The following COG5 variants were observed in gnomAD, a reference collection of about 807,000 sequenced individuals.
COG5 encodes conserved oligomeric Golgi complex subunit 5.
In COG5, 86 loss-of-function variants were observed where a neutral mutation model predicts 110.4. That is an observed-to-expected ratio of 0.78 (90% CI 0.65 to 0.93). COG5 has a LOEUF of 0.93. COG5 is among the 40% of genes least tolerant of loss of function. The pLI, the probability that COG5 is intolerant of heterozygous loss-of-function variation, is 0.00. For missense variants in COG5, 1,077 were observed against 987.0 expected (o/e 1.09, Z -1.22); for synonymous variants, 360 against 334.6 (o/e 1.08, Z -0.83).
At chr7:107,237,747 G>A (rs745443620) in intron 17 of COG5, among the ~76,000 whole-genome samples, 4 of 152,216 alleles carry the variant, frequency 2.6e-5, no homozygotes, top group Non-Finnish European at 4.4e-5. Flanking sequence ...GCTGAAGGGT[G>A]TATGGTGCAA....
At chr7:107,238,711 C>A (rs974320072) in intron 17 of COG5, among the ~76,000 whole-genome samples, 1 of 152,152 alleles carries the variant, frequency 6.6e-6, no homozygotes, top group Non-Finnish European at 1.5e-5. Flanking sequence ...GAGGTGCAAT[C>A]TCATTGTGGT....
chr7:107,520,006 A>G (rs1800213377), intron 6 of COG5, among the ~76,000 whole-genome samples: 1 of 152,206 alleles, frequency 6.6e-6, no homozygotes, highest in Admixed American at 6.5e-5. Flanking sequence ...AAATCAATAA[A>G]CATAATCCAT....
chr7:107,417,303 CAT>C (rs1393083024), intron 6 of COG5, among the ~76,000 whole-genome samples: 3 of 152,222 alleles, frequency 2.0e-5, no homozygotes, highest in Non-Finnish European at 4.4e-5. Context: ...AAATTTTACC[CAT>C]GAGTTGTTTT....
chr7:107,209,715 T>C, intron 21 of COG5: 1 of 635,406 alleles, frequency 1.6e-6, no homozygotes, highest in African/African-American at 2.0e-5. Context: ...CAGGGCCATA[T>C]CTCGGCTTAC....
intron 12 of COG5, among the ~76,000 whole-genome samples, chr7:107,295,058 CACACACACATAT>C (rs1450669041): frequency 9.2e-4 from 57 of 62,056 alleles, no homozygotes; most frequent in African/African-American, 1.6e-3. Flanking sequence ...CACACACACA[CACACACACATAT>C]ATATATATAT....
intron 7 of COG5, among the ~76,000 whole-genome samples, chr7:107,408,368 C>A (rs969479385): frequency 6.6e-6 from 1 of 152,188 alleles, no homozygotes; most frequent in African/African-American, 2.4e-5. Context: ...AATAGTGGTG[C>A]TCCACAGCAG....
chr7:107,359,377 G>A (rs1271550222), intron 10 of COG5, among the ~76,000 whole-genome samples: 1 of 152,238 alleles, frequency 6.6e-6, no homozygotes, highest in African/African-American at 2.4e-5. Flanking sequence ...AAGCATGGGA[G>A]GAAGGCCGAG....
intron 7 of COG5, among the ~76,000 whole-genome samples, chr7:107,388,232 C>G (rs1034010661): frequency 2.0e-5 from 3 of 152,210 alleles, no homozygotes; most frequent in African/African-American, 7.2e-5. Context: ...AACAGACGTT[C>G]CACACAACCC....
At chr7:107,323,302 G>T (rs982450155) in intron 11 of COG5, among the ~76,000 whole-genome samples, 2 of 152,154 alleles carry the variant, frequency 1.3e-5, no homozygotes, top group Non-Finnish European at 2.9e-5. Flanking sequence ...GCCAAGGCGG[G>T]CCGATCATTT....
intron 7 of COG5, among the ~76,000 whole-genome samples, chr7:107,411,608 G>A (rs1329010282): frequency 6.6e-6 from 1 of 151,974 alleles, no homozygotes; most frequent in Non-Finnish European, 1.5e-5. Flanking sequence ...GAAAGTTTAT[G>A]ATTTGTCCAC....
chr7:107,444,230 C>T (rs1171520689), intron 6 of COG5, among the ~76,000 whole-genome samples: 1 of 152,172 alleles, frequency 6.6e-6, no homozygotes, highest in Non-Finnish European at 1.5e-5. Context: ...AATACTACCA[C>T]AATCTCCTAT....
intron 11 of COG5, among the ~76,000 whole-genome samples, chr7:107,311,370 ATTTTTTTTTTTTTTTTTT>A (rs71134260): frequency 3.4e-5 from 2 of 58,912 alleles, no homozygotes; most frequent in Non-Finnish European, 6.1e-5. Flanking sequence ...GCGTATTTAC[ATTTTTTTTTTTTTTTTTT>A]TTTTTTTTTT....
At chr7:107,367,090 A>AT (rs1813692921) in intron 8 of COG5, among the ~76,000 whole-genome samples, 2 of 83,956 alleles carry the variant, frequency 2.4e-5, no homozygotes, top group Non-Finnish European at 2.1e-5. Context: ...TGTCTCCTAC[A>AT]TTTTGTCTCA....
At chr7:107,430,833 G>C (rs927004178) in intron 6 of COG5, among the ~76,000 whole-genome samples, 2 of 152,104 alleles carry the variant, frequency 1.3e-5, no homozygotes, top group African/African-American at 4.8e-5. Context: ...GAGATGGGGA[G>C]GTTATCCTGG....
chr7:107,435,631 C>T (rs755068744), intron 6 of COG5, among the ~76,000 whole-genome samples: 20 of 151,646 alleles, frequency 1.3e-4, no homozygotes, highest in Non-Finnish European at 2.1e-4. Context: ...CCAGCCTGGG[C>T]GACAGACACT....
chr7:107,439,285 A>G (rs1276180206), intron 6 of COG5, among the ~76,000 whole-genome samples: 2 of 152,160 alleles, frequency 1.3e-5, no homozygotes, highest in African/African-American at 4.8e-5. Flanking sequence ...AAAAGAAAAA[A>G]AAAAATCTTT....
intron 6 of COG5, among the ~76,000 whole-genome samples, chr7:107,519,762 G>T (rs925903335): frequency 8.5e-5 from 13 of 152,232 alleles, no homozygotes; most frequent in African/African-American, 3.1e-4. Flanking sequence ...CCAAACAACT[G>T]AAAAGGAGGG....
intron 10 of COG5, 136 bp downstream of exon 10, chr7:107,361,897 G>C (rs1432041372): frequency 6.1e-6 from 4 of 650,878 alleles, no homozygotes; most frequent in Non-Finnish European, 1.1e-5. Context: ...CATTATTATA[G>C]TTGTCAAGAA....
At chr7:107,562,620 T>C (rs1803940883) in intron 1 of COG5, among the ~76,000 whole-genome samples, 1 of 152,236 alleles carries the variant, frequency 6.6e-6, no homozygotes, top group African/African-American at 2.4e-5. Context: ...GTCTCTGCCT[T>C]GTATCTAAAG....
Sources: gnomAD v4.1 joint callset for allele counts (sites outside exome capture counted in the v4.1 genomes callset) on GRCh38, gnomAD v4.1.1 for gene constraint, MANE v1.5 for transcripts, NCBI Gene and HGNC (gene_info 2026-07-23, HGNC 2026-07-21) for gene names.